The following PPFIA2 variants were observed in gnomAD, a reference collection of about 807,000 sequenced individuals.
The protein encoded by PPFIA2 is PPFI scaffold protein A2, also known as liprin-alpha-2.
PPFIA2 carries 46 observed loss-of-function variants against 175.5 expected under a neutral mutation model. The observed-to-expected ratio is 0.26, with a 90% CI of 0.21 to 0.34. PPFIA2 has a LOEUF of 0.34. Ranked by LOEUF, PPFIA2 falls within the 10% of genes least tolerant of loss-of-function variation. The pLI is 1.00. For missense variants in PPFIA2, 1,179 were observed against 1,506.1 expected, an observed-to-expected ratio of 0.78 and a Z score of 3.60; for synonymous variants, 568 against 511.4, an observed-to-expected ratio of 1.11 and a Z score of -1.49.
chr12:81,578,492 T>C (rs1227644547), intron 4 of PPFIA2, among the ~76,000 whole-genome samples: 1 of 151,842 alleles, frequency 6.6e-6, no homozygotes. Context: ...TAAGTTATAG[T>C]AAAATATCTC....
chr12:81,504,652 T>C (rs571446883), intron 4 of PPFIA2, among the ~76,000 whole-genome samples: 64 of 152,216 alleles, frequency 4.2e-4, no homozygotes, highest in Non-Finnish European at 8.2e-4. Flanking sequence ...GGGTATATAC[T>C]CAAAGAATTA....
intron 32 of PPFIA2, chr12:81,260,149 GA>G (rs2034913479): frequency 6.6e-6 from 1 of 152,284 alleles, no homozygotes; most frequent in African/African-American, 2.4e-5. Context: ...AATGTACTTA[GA>G]AAAAGCTCAC....
intron 4 of PPFIA2, among the ~76,000 whole-genome samples, chr12:81,491,802 C>G (rs1360668153): frequency 2.0e-5 from 3 of 151,966 alleles, no homozygotes; most frequent in African/African-American, 4.8e-5. Context: ...TCATCATGTA[C>G]TAGTCTTTAC....
At chr12:81,467,441 C>T (rs1177173570) in intron 4 of PPFIA2, among the ~76,000 whole-genome samples, 1 of 152,206 alleles carries the variant, frequency 6.6e-6, no homozygotes, top group Non-Finnish European at 1.5e-5. Context: ...GTAATCCCAG[C>T]ACTGTGGGAG....
intron 3 of PPFIA2, among the ~76,000 whole-genome samples, chr12:81,747,123 T>C (rs2083169625): frequency 7.0e-6 from 1 of 143,884 alleles, no homozygotes; most frequent in Non-Finnish European, 1.6e-5. Flanking sequence ...GCAGATATTT[T>C]ATTTGGCCAA....
chr12:81,527,068 A>C (rs1018894902), intron 4 of PPFIA2, among the ~76,000 whole-genome samples: 1 of 152,134 alleles, frequency 6.6e-6, no homozygotes, highest in Admixed American at 6.6e-5. Context: ...ATTTTGCAAA[A>C]TCCATGCCAA....
intron 24 of PPFIA2, among the ~76,000 whole-genome samples, chr12:81,284,931 T>A (rs1295410435): frequency 3.3e-5 from 5 of 152,180 alleles, no homozygotes; most frequent in African/African-American, 7.2e-5. Context: ...TATTTTTAAT[T>A]TAATAAAATG....
intron 4 of PPFIA2, among the ~76,000 whole-genome samples, chr12:81,596,427 G>A (rs1345608945): frequency 2.0e-5 from 3 of 152,152 alleles, no homozygotes; most frequent in East Asian, 1.9e-4. Context: ...CAGAGTTTAT[G>A]TTTGGTAAAA....
rs2036785153 is a variant in PPFIA2 at position 81,265,028 on chromosome 12, C to A, written c.3556-1638G>T. Among the ~76,000 whole-genome samples the A allele has an allele frequency of 5.3e-5, 8 of 151,916 alleles. No homozygotes were observed. The South Asian group carries it at 1.7e-3, about 32-fold the overall frequency. ...CCAGTTTTGGCTGGGCGTGGTGGCT[C>A]ACGCCTGTAATCCCAGCATTTTGGG... On this transcript the variant is annotated intron_variant, in intron 30 of 32. Transcript: ENST00000549396.
At chr12:81,289,477 C>T (rs1344871635) in intron 24 of PPFIA2, among the ~76,000 whole-genome samples, 1 of 151,806 alleles carries the variant, frequency 6.6e-6, no homozygotes, top group Non-Finnish European at 1.5e-5. Context: ...AAATTTGGCT[C>T]CTATATAAAC....
At chr12:81,313,349 G>A (rs973523286) in intron 22 of PPFIA2, among the ~76,000 whole-genome samples, 3 of 151,774 alleles carry the variant, frequency 2.0e-5, no homozygotes, top group Admixed American at 6.6e-5. Flanking sequence ...CTTTTTTATC[G>A]CACAATTATT....
intron 7 of PPFIA2, among the ~76,000 whole-genome samples, chr12:81,428,466 T>C (rs1317290991): frequency 3.3e-5 from 5 of 152,034 alleles, no homozygotes; most frequent in African/African-American, 4.8e-5. Context: ...TAAAACACCT[T>C]GATTTTTTTT....
intron 5 of PPFIA2, among the ~76,000 whole-genome samples, chr12:81,452,714 A>T (rs750450877): frequency 4.6e-5 from 7 of 152,204 alleles, no homozygotes; most frequent in Non-Finnish European, 2.9e-5. Context: ...TGACATTATT[A>T]ACTCGTACAG....
intron 3 of PPFIA2, among the ~76,000 whole-genome samples, chr12:81,679,024 T>C (rs1413985681): frequency 6.6e-6 from 1 of 151,802 alleles, no homozygotes; most frequent in Admixed American, 6.6e-5. Flanking sequence ...CTTTGTATAA[T>C]TAAAACAAAG....
At chr12:81,468,625 T>TAAACA (rs755356354) in intron 4 of PPFIA2, among the ~76,000 whole-genome samples, 45 of 152,266 alleles carry the variant, frequency 3.0e-4, no homozygotes, top group Non-Finnish European at 4.9e-4. Flanking sequence ...GCTCTAACTC[T>TAAACA]AAACAAAACA....
rs535219006 is a variant in PPFIA2, at chr12:81,461,419, C to T, written c.304-3553G>A. ...TCTCAAGCATTCTGGGATTATCATCCGTCTAACTATCCAGCCATTCATACA... is the reference window on the plus strand; with the variant it reads ...TCTCAAGCATTCTGGGATTATCATCTGTCTAACTATCCAGCCATTCATACA... On this transcript the variant is annotated intron_variant, in intron 4 of 32. Coordinates refer to ENST00000549396, the MANE Select transcript of PPFIA2 (RefSeq NM_003625.5). 6.6e-5 allele frequency among the ~76,000 whole-genome samples: 10 copies of T among 152,158 alleles called. No homozygotes were observed. The South Asian group carries it at 1.9e-3, about 28-fold the overall frequency.
intron 8 of PPFIA2, among the ~76,000 whole-genome samples, chr12:81,395,477 C>T (rs958897602): frequency 2.0e-5 from 3 of 151,954 alleles, no homozygotes; most frequent in African/African-American, 7.2e-5. Flanking sequence ...GCTTGTTGAG[C>T]GCTTTGAAAA....
chr12:81,534,008 AT>A (rs2065024925), intron 4 of PPFIA2, among the ~76,000 whole-genome samples: 1 of 151,648 alleles, frequency 6.6e-6, no homozygotes, highest in Non-Finnish European at 1.5e-5. Flanking sequence ...AAATCCTGTC[AT>A]TTACAGCAAC....
At chr12:81,339,599 AGT>A (rs1208196273) in intron 20 of PPFIA2, among the ~76,000 whole-genome samples, 1 of 151,928 alleles carries the variant, frequency 6.6e-6, no homozygotes, top group African/African-American at 2.4e-5. Flanking sequence ...CAAACTAATC[AGT>A]GAATATAGGC....
Sources: allele counts gnomAD v4.1 joint callset (sites outside exome capture counted in the v4.1 genomes callset), GRCh38; gene constraint gnomAD v4.1.1; transcripts MANE v1.5; gene names NCBI Gene and HGNC (gene_info 2026-07-23, HGNC 2026-07-21).